Variants in MMP28 observed in about 807,000 individuals in gnomAD.
MMP28 encodes matrix metalloproteinase-28.
A neutral mutation model predicts 60.5 loss-of-function variants in MMP28; 55 were observed. That is an observed-to-expected ratio of 0.91 (90% CI 0.73 to 1.14). The LOEUF is 1.14. Among genes scored for constraint, MMP28 ranks in the 50% most tolerant of loss-of-function variants. The pLI is 0.00. For synonymous variants in MMP28, 318 were observed against 312.5 expected, an observed-to-expected ratio of 1.02 and a Z score of -0.18; for missense variants, 686 against 738.3, an observed-to-expected ratio of 0.93 and a Z score of 0.82.
intron 1 of MMP28, among the ~76,000 whole-genome samples, chr17:35,789,117 C>T (rs2086736403): frequency 6.6e-6 from 1 of 152,186 alleles, no homozygotes; most frequent in Admixed American, 6.6e-5. Flanking sequence ...AACTTTGTTA[C>T]ATTGTGTGCA....
At chr17:35,769,968 C>T in intron 5 of MMP28, 99 bp downstream of exon 5, 1 of 1,405,452 alleles carries the variant, frequency 7.1e-7, no homozygotes, top group Non-Finnish European at 9.4e-7. Flanking sequence ...GATCTATGAG[C>T]TTAGGATGGG....
chr17:35,764,406 C>T (rs782446082), downstream of MMP28: 2 of 1,512,840 alleles, frequency 1.3e-6, no homozygotes, highest in Admixed American at 2.2e-5. Context: ...AGGCACTGAG[C>T]GCCTGGTCCC....
Position 35,795,325 on chromosome 17 carries a change from C to T in MMP28, c.53G>A (p.Gly18Asp). 1 of 1,468,222 alleles carries T rather than the reference C, an allele frequency of 6.8e-7. No homozygotes were observed. The highest frequency in any genetic ancestry group is 9.0e-7 in the Non-Finnish European group (1 of 1,111,224). The allele number at this position is 1,468,222 out of a possible 1,614,324, so 90.9% of individuals were successfully genotyped here. ...LLRALQLLLW[G>D]HLDAQPAERG... ...CTCCGCGGGCTGGGCGTCCAGGTGG[C>T]CCCACAGTAGCAGCTGCAGGGCGCG... Residue 18 changes from glycine to aspartate, a missense_variant, in exon 1 of 8, where the codon GGC (glycine) becomes GAC (aspartate). Physicochemically the swap from Gly to Asp is moderately conservative, Grantham distance 94. Transcript: ENST00000605424.
At chr17:35,788,330 C>T (rs781372609) in intron 1 of MMP28, among the ~76,000 whole-genome samples, 5 of 152,204 alleles carry the variant, frequency 3.3e-5, no homozygotes, top group African/African-American at 4.8e-5. Flanking sequence ...TCATGGTTCT[C>T]ACTAGACTTG....
At chr17:35,765,742 G>A, downstream of MMP28, 4 of 602,596 alleles carry the variant, frequency 6.6e-6, no homozygotes, top group South Asian at 7.3e-5. Context: ...TCACAGCTCT[G>A]CACACACACA....
chr17:35,790,431 T>C (rs2086781166), intron 1 of MMP28, among the ~76,000 whole-genome samples: 1 of 152,210 alleles, frequency 6.6e-6, no homozygotes. Context: ...TGGTCTCAGT[T>C]GGTAAATTAT....
chr17:35,756,469 ATTT>A (rs112926045), intron 2 of MMP28: 4,074 of 840,166 alleles, frequency 4.8e-3, no homozygotes, highest in Non-Finnish European at 5.2e-3. Context: ...TTCCTCTTTC[ATTT>A]TTTTTTTTTT....
intron 2 of MMP28, among the ~76,000 whole-genome samples, chr17:35,759,472 C>T (rs782027242): frequency 1.3e-5 from 2 of 152,226 alleles, no homozygotes; most frequent in East Asian, 1.9e-4. Context: ...GAGGCCGAGA[C>T]GGGCAGATTA....
chr17:35,794,036 T>C (rs2086891676), intron 1 of MMP28, among the ~76,000 whole-genome samples: 1 of 151,520 alleles, frequency 6.6e-6, no homozygotes, highest in Non-Finnish European at 1.5e-5. Context: ...AGGTAGAGGC[T>C]GCAGTGAGCC....
downstream of MMP28, chr17:35,764,053 C>A (rs782379593): frequency 9.4e-5 from 146 of 1,549,516 alleles, no homozygotes; most frequent in Non-Finnish European, 1.2e-4. Flanking sequence ...AGCTCCGGGC[C>A]GAGGACGCGG....
At chr17:35,782,978 C>T (rs2086549790) in intron 1 of MMP28, among the ~76,000 whole-genome samples, 1 of 152,210 alleles carries the variant, frequency 6.6e-6, no homozygotes, top group South Asian at 2.1e-4. Flanking sequence ...AGGCACCTGC[C>T]ACGATGCCCG....
downstream of MMP28, chr17:35,764,369 C>T (rs375343724): frequency 2.8e-6 from 4 of 1,452,806 alleles, no homozygotes; most frequent in Non-Finnish European, 2.7e-6. Context: ...AGGCGGTGCC[C>T]GGGCCCCAGG....
At chr17:35,759,029 T>C (rs898877958) in intron 2 of MMP28, among the ~76,000 whole-genome samples, 2 of 152,250 alleles carry the variant, frequency 1.3e-5, no homozygotes, top group Admixed American at 6.5e-5. Flanking sequence ...ATGGTGCCAG[T>C]GTCCATGGGT....
chr17:35,773,394 C>G lies in MMP28; in HGVS notation c.390G>C (p.Trp130Cys), dbSNP rs1555606647. ...GGCGGTAGGAGAGGTGCTGCTTGTACCATTTGTTACCTGCCACCCAGAAAG... is the reference window on the plus strand; with the variant it reads ...GGCGGTAGGAGAGGTGCTGCTTGTAGCATTTGTTACCTGCCACCCAGAAAG... ...KKRFAKQGNK[W>C]YKQHLSYRLV... Residue 130 changes from tryptophan to cysteine, a missense_variant, in exon 4 of 8, where the codon TGG becomes TGC. Transcript: ENST00000605424. 6.3e-7 allele frequency: 1 copy of G among 1,593,796 alleles called. No homozygotes were observed. The highest frequency in any genetic ancestry group is 8.5e-7 in the Non-Finnish European group (1 of 1,169,862).
Position 35,766,257 on chromosome 17 carries a change from G to T in MMP28, c.*243C>A. 7.7e-7 allele frequency: 1 copy of T among 1,305,226 alleles called. No homozygotes were observed. Among genetic ancestry groups the T allele is most frequent in the Non-Finnish European group, 9.7e-7 (1 of 1,027,738 alleles). The allele number at this position is 1,305,226 out of a possible 1,614,324, so 80.9% of individuals were successfully genotyped here. A position where few individuals can be genotyped will look rare whatever the true frequency, so the allele number is the denominator to read the frequency against. On this transcript the variant is annotated 3_prime_UTR_variant, in exon 8 of 8. Coordinates refer to ENST00000605424, the MANE Select transcript of MMP28 (RefSeq NM_024302.5). The surrounding 1 kb of genome is among the most constrained non-coding windows in gnomAD (Gnocchi z 4.3). ...AAGTCCTCGGAGGAAAGGGCCAAGG[G>T]ATCTGGGACCCTTTTTTGCTTTTCC...
chr17:35,781,861 T>C (rs955338786), intron 1 of MMP28, among the ~76,000 whole-genome samples: 58 of 152,040 alleles, frequency 3.8e-4, no homozygotes, highest in African/African-American at 1.4e-3. Context: ...TTTTCCTTTT[T>C]TATGTTTTAT....
At chr17:35,778,169 CAAAAT>C (rs1555608081) in intron 3 of MMP28, among the ~76,000 whole-genome samples, 5 of 152,094 alleles carry the variant, frequency 3.3e-5, no homozygotes, top group South Asian at 2.1e-4. Context: ...AAGAAAGAAA[CAAAAT>C]AAAGTTACAA....
downstream of MMP28, among the ~76,000 whole-genome samples, chr17:35,765,458 G>C (rs1269313646): frequency 6.6e-6 from 1 of 152,226 alleles, no homozygotes; most frequent in South Asian, 2.1e-4. Context: ...TGGGGAGCTG[G>C]TTCCTTCTCC....
chr17:35,771,075 G>A (rs1171414428), intron 4 of MMP28, among the ~76,000 whole-genome samples: 1 of 151,292 alleles, frequency 6.6e-6, no homozygotes, highest in African/African-American at 2.4e-5. Flanking sequence ...CAACAACCAC[G>A]AAACAACAAC....
Sources: gnomAD v4.1 joint callset for allele counts (sites outside exome capture counted in the v4.1 genomes callset) on GRCh38, gnomAD v4.1.1 for gene constraint, Gnocchi (gnomAD v3.1) non-coding constraint, MANE v1.5 for transcripts, NCBI Gene and HGNC (gene_info 2026-07-23, HGNC 2026-07-21) for gene names.